SLCO2A1: variants seen among roughly 807,000 people sequenced by gnomAD.
SLCO2A1 encodes matrin F/G 1.
A neutral mutation model predicts 71.7 loss-of-function variants in SLCO2A1; 60 were observed. The observed-to-expected ratio is 0.84, with a 90% confidence interval of 0.68 to 1.04. The LOEUF is 1.04. Ranked by LOEUF, SLCO2A1 falls within the 50% of genes least tolerant of loss-of-function variation. The pLI, the probability that SLCO2A1 is intolerant of heterozygous loss-of-function variation, is 0.00. For missense variants in SLCO2A1, 745 were observed against 813.4 expected (o/e 0.92, Z 1.02); for synonymous variants, 308 against 326.7 (o/e 0.94, Z 0.62).
chr3:133,970,872 A>G (rs951910122), intron 3 of SLCO2A1, among the ~76,000 whole-genome samples: 3 of 152,246 alleles, frequency 2.0e-5, no homozygotes, highest in Non-Finnish European at 4.4e-5. Flanking sequence ...TCTTTCCTCT[A>G]TCAGAAGATT....
intron 11 of SLCO2A1, among the ~76,000 whole-genome samples, chr3:133,939,247 T>G (rs143382483): frequency 0.018 from 2,725 of 152,276 alleles, 77 homozygotes; most frequent in African/African-American, 0.062. Context: ...TGTGTTTGGC[T>G]GAGGAAGGAG....
At chr3:133,990,653 C>G (rs958223352) in intron 1 of SLCO2A1, among the ~76,000 whole-genome samples, 2 of 152,198 alleles carry the variant, frequency 1.3e-5, no homozygotes, top group African/African-American at 4.8e-5. Context: ...GTATGCCCAT[C>G]TCCACTTCTC....
chr3:133,975,242 C>T (rs1431603923), intron 2 of SLCO2A1, among the ~76,000 whole-genome samples: 1 of 152,180 alleles, frequency 6.6e-6, no homozygotes, highest in African/African-American at 2.4e-5. Flanking sequence ...CCTCCAAAAC[C>T]CCAGTCCCCT....
Position 133,932,748 on chromosome 3 carries a change from G to A in SLCO2A1, c.*1965C>T, listed in dbSNP as rs2108033581. 6.6e-6 allele frequency: 1 copy of A among 152,556 alleles called. No individual in the cohort carries two copies. The highest frequency in any genetic ancestry group is 1.9e-4 in the East Asian group (1 of 5,186). The allele number at this position is 152,556 out of a possible 1,614,324, so 9.5% of individuals were successfully genotyped here. ...TTAATAGTAATATAATAGAATAAAG[G>A]TTTGGGAGTGCAACCAATCTTCTAG... is the stretch of plus-strand genomic sequence containing the variant. On this transcript the variant is annotated 3_prime_UTR_variant, in exon 14 of 14. Transcript: ENST00000310926.
rs1236940492 is a variant in SLCO2A1, at chr3:134,007,138, C to T, written c.96+22569G>A. 2.0e-5 allele frequency among the ~76,000 whole-genome samples: 3 copies of T among 152,252 alleles called. No individual in the cohort carries two copies. The East Asian group carries it at 5.8e-4, about 29-fold the overall frequency. ...TTGTGTATCATTTTTAGAGAAATGT[C>T]TATTCAAGTCCTTTGCCAATTTTTA... On this transcript the variant is annotated intron_variant, in intron 1 of 13. Transcript: ENST00000310926.
rs1236804092 is a variant in SLCO2A1, at chr3:133,955,091, C to T, written c.500G>A (p.Ser167Asn). The change falls in exon 4 of 14, where the codon AGC (serine) becomes AAC (asparagine). Residue 167 changes from serine to asparagine, a missense_variant. Transcript: ENST00000310926. ...STTQNPQKET[S>N]SMWGLMVVAQ... Reference sequence around the variant, plus strand: ...AACCACCATCAGGCCCCACATGCTGCTGGTCTCCTTCTGGGGGTTCTGGGT... The same window carrying T: ...AACCACCATCAGGCCCCACATGCTGTTGGTCTCCTTCTGGGGGTTCTGGGT... 3 of 1,614,080 alleles carry T rather than the reference C, an allele frequency of 1.9e-6. No individual in the cohort carries two copies. The highest frequency in any genetic ancestry group is 4.5e-5 in the East Asian group (2 of 44,890).
intron 1 of SLCO2A1, among the ~76,000 whole-genome samples, chr3:134,021,849 C>T (rs1935586548): frequency 6.6e-6 from 1 of 152,116 alleles, no homozygotes; most frequent in East Asian, 1.9e-4. Context: ...CTATCACACT[C>T]CAATACCACT....
intron 1 of SLCO2A1, among the ~76,000 whole-genome samples, chr3:133,987,131 G>GCCC (rs71136502): frequency 4.8e-4 from 50 of 105,068 alleles, no homozygotes; most frequent in African/African-American, 1.8e-3. Flanking sequence ...AAAATTCAAA[G>GCCC]CCCCCCCCCC....
At chr3:133,950,222 T>G (rs1933706530) in intron 6 of SLCO2A1, among the ~76,000 whole-genome samples, 1 of 152,160 alleles carries the variant, frequency 6.6e-6, no homozygotes, top group Non-Finnish European at 1.5e-5. Context: ...GCATGATGTG[T>G]AGCCAACGTC....
chr3:134,025,846 T>C (rs969246982), intron 1 of SLCO2A1, among the ~76,000 whole-genome samples: 1 of 152,106 alleles, frequency 6.6e-6, no homozygotes, highest in Non-Finnish European at 1.5e-5. Context: ...AATATCTTGG[T>C]TTGAAGAGAA....
Position 133,934,477 on chromosome 3 carries a change from G to C in SLCO2A1, c.*236C>G, listed in dbSNP as rs1933215423. ...GGGCATCTGGGGGCCTCTTCCAAGGGGCCAGGGAAGACTCAGCCCCCCAGT... is the reference window on the plus strand; with the variant it reads ...GGGCATCTGGGGGCCTCTTCCAAGGCGCCAGGGAAGACTCAGCCCCCCAGT... On this transcript the variant is annotated 3_prime_UTR_variant, in exon 14 of 14. Transcript: ENST00000310926. 2.4e-6 allele frequency: 1 copy of C among 420,280 alleles called. No individual in the cohort carries two copies. The highest frequency in any genetic ancestry group is 4.4e-5 in the East Asian group (1 of 22,560). The allele number at this position is 420,280 out of a possible 1,614,324, so 26.0% of individuals were successfully genotyped here.
chr3:133,940,704 G>T (rs140528672), intron 11 of SLCO2A1, among the ~76,000 whole-genome samples: 1 of 152,204 alleles, frequency 6.6e-6, no homozygotes, highest in Non-Finnish European at 1.5e-5. Flanking sequence ...CTTTGAATGC[G>T]CAGGATGGGG....
chr3:133,991,173 C>G (rs759962157), intron 1 of SLCO2A1, among the ~76,000 whole-genome samples: 2 of 152,130 alleles, frequency 1.3e-5, no homozygotes, highest in East Asian at 3.9e-4. Context: ...GGTGGGCAGG[C>G]TTCTAGGTTG....
At chr3:133,968,439 TC>T (rs1934241208) in intron 3 of SLCO2A1, among the ~76,000 whole-genome samples, 1 of 152,086 alleles carries the variant, frequency 6.6e-6, no homozygotes, top group Admixed American at 6.5e-5. Context: ...ATCCCGAGGC[TC>T]CCCGGCCCTG....
chr3:133,994,107 T>C (rs1934909754), intron 1 of SLCO2A1, among the ~76,000 whole-genome samples: 1 of 152,200 alleles, frequency 6.6e-6, no homozygotes, highest in South Asian at 2.1e-4. Flanking sequence ...CATCAACTCA[T>C]TGATTTACTT....
At chr3:133,967,628 T>A (rs1934211549) in intron 3 of SLCO2A1, among the ~76,000 whole-genome samples, 2 of 136,798 alleles carry the variant, frequency 1.5e-5, no homozygotes, top group Admixed American at 1.5e-4. Flanking sequence ...TGATTTTCTC[T>A]GTTGTTTATT....
chr3:134,010,492 G>GC (rs1302030674), intron 1 of SLCO2A1, among the ~76,000 whole-genome samples: 1 of 151,962 alleles, frequency 6.6e-6, no homozygotes, highest in African/African-American at 2.4e-5. Context: ...GGTGGCTCAC[G>GC]CCTGTAATCC....
intron 1 of SLCO2A1, among the ~76,000 whole-genome samples, chr3:133,999,657 G>C (rs1353001917): frequency 6.6e-6 from 1 of 152,170 alleles, no homozygotes; most frequent in Non-Finnish European, 1.5e-5. Context: ...GGAAAAGTGA[G>C]GCTGGAGCTG....
At position 133,941,272 on chromosome 3, in the gene SLCO2A1, T is replaced by C. The variant is rs546460184; in HGVS notation, c.1625+1333A>G. ...TCACAGACACCTAGCTAGCTGTGAA[T>C]TATTATTATTATTATTTGATTAATA... On this transcript the variant is annotated intron_variant, in intron 11 of 13. Coordinates refer to ENST00000310926, the MANE Select transcript of SLCO2A1 (RefSeq NM_005630.3). Among the ~76,000 whole-genome samples the C allele has an allele frequency of 2.0e-5, 3 of 152,188 alleles. No homozygotes were observed. The South Asian group carries it at 6.2e-4, about 32-fold the overall frequency.
Sources: gnomAD v4.1 joint callset for allele counts (sites outside exome capture counted in the v4.1 genomes callset) on GRCh38, gnomAD v4.1.1 for gene constraint, MANE v1.5 for transcripts, NCBI Gene and HGNC (gene_info 2026-07-23, HGNC 2026-07-21) for gene names.